FLVCR1: variants seen among roughly 807,000 people sequenced by gnomAD.
The protein encoded by FLVCR1 is choline/ethanolamine transporter FLVCR1.
A neutral mutation model predicts 53.6 loss-of-function variants in FLVCR1; 34 were observed. The observed-to-expected ratio is 0.63, with a 90% CI of 0.48 to 0.84. The LOEUF (loss-of-function observed/expected upper bound fraction) is 0.84. FLVCR1 is among the 40% of genes least tolerant of loss of function. The pLI is 0.00. For missense variants in FLVCR1, 677 were observed against 696.7 expected, an observed-to-expected ratio of 0.97 and a Z score of 0.32; for synonymous variants, 300 against 286.3, an observed-to-expected ratio of 1.05 and a Z score of -0.48.
Position 212,896,919 on chromosome 1 carries a change from T to C in FLVCR1, c.*1629T>C. On this transcript the variant is annotated 3_prime_UTR_variant, in exon 10 of 10. Coordinates refer to ENST00000366971, the MANE Select transcript of FLVCR1 (RefSeq NM_014053.4). ...GGCGCAGTGCTGTGGCTCATGCCTG[T>C]AATCTCAGCACTTTGGGAGGCCAAG... is the stretch of plus-strand genomic sequence containing the variant. 1 of 136,984 alleles carries C rather than the reference T, an allele frequency of 7.3e-6. No homozygotes were observed. Among genetic ancestry groups the C allele is most frequent in the Non-Finnish European group, 1.5e-5 (1 of 65,704 alleles). The allele number at this position is 136,984 out of a possible 1,614,324, so 8.5% of individuals were successfully genotyped here.
chr1:212,862,009 A>G (rs541878275), intron 1 of FLVCR1, among the ~76,000 whole-genome samples: 7 of 152,184 alleles, frequency 4.6e-5, no homozygotes, highest in Non-Finnish European at 8.8e-5. Flanking sequence ...GAAATATTTG[A>G]TAAGTGTGAC....
intron 3 of FLVCR1, among the ~76,000 whole-genome samples, chr1:212,874,275 C>A (rs562827978): frequency 4.6e-5 from 7 of 152,026 alleles, no homozygotes; most frequent in Admixed American, 1.3e-4. Flanking sequence ...TCCGAAAGTG[C>A]GGGATTACAG....
Position 212,858,956 on chromosome 1 carries a change from G to A in FLVCR1, c.504G>A (p.Leu168=). ...TCATCTTCCCGGCCACCTGGCTGCT[G>A]GACACCAGAGGCCTGCGGCTCACCG... The part of the protein sequence containing the change: ...VPLIFPATWL[L]DTRGLRLTAL... Residue 168 remains leucine, a synonymous_variant, in exon 1 of 10, where the codon CTG becomes CTA. Coordinates refer to ENST00000366971, the MANE Select transcript of FLVCR1 (RefSeq NM_014053.4). The A allele has an allele frequency of 1.9e-6, 3 of 1,614,178 alleles. No individual in the cohort carries two copies. Among genetic ancestry groups the A allele is most frequent in the Non-Finnish European group, 2.5e-6 (3 of 1,180,042 alleles).
intron 4 of FLVCR1, among the ~76,000 whole-genome samples, chr1:212,883,931 G>C (rs918169585): frequency 4.0e-5 from 6 of 151,768 alleles, no homozygotes. Flanking sequence ...ATGTGGTCTG[G>C]TCTGTTGGGC....
intron 3 of FLVCR1, among the ~76,000 whole-genome samples, chr1:212,881,347 CTT>C (rs35073414): frequency 8.6e-6 from 1 of 116,432 alleles, no homozygotes; most frequent in African/African-American, 3.5e-5. Flanking sequence ...TGTCGAATTT[CTT>C]TTTTTTTGAG....
intron 5 of FLVCR1, among the ~76,000 whole-genome samples, chr1:212,886,294 C>T (rs578255274): frequency 1.4e-4 from 21 of 152,122 alleles, no homozygotes; most frequent in Admixed American, 4.6e-4. Context: ...CTGCCCACCT[C>T]AGCCTCCCAA....
Position 212,858,645 on chromosome 1 carries a change from G to A in FLVCR1, c.193G>A (p.Gly65Ser), listed in dbSNP as rs1664106992. The A allele has an allele frequency of 2.6e-6, 4 of 1,541,858 alleles. No homozygotes were observed. The highest frequency in any genetic ancestry group is 3.5e-6 in the Non-Finnish European group (4 of 1,145,062). The change falls in exon 1 of 10, where the codon GGC (glycine) becomes AGC (serine). Residue 65 changes from glycine to serine, a missense_variant. Coordinates refer to ENST00000366971, the MANE Select transcript of FLVCR1 (RefSeq NM_014053.4). ...DSLAAASGVLGGPQTPLAPEE... is the reference protein window; with the variant it reads ...DSLAAASGVLSGPQTPLAPEE... ...CCTCGCTGCCGCCTCGGGAGTTCTG[G>A]GCGGGCCTCAGACTCCACTGGCCCC...
chr1:212,883,945 C>G (rs11808574), intron 4 of FLVCR1, among the ~76,000 whole-genome samples: 70,333 of 151,640 alleles, frequency 0.46, 17,532 homozygotes, highest in East Asian at 0.56. Flanking sequence ...GTTGGGCCTA[C>G]TGTGGGAGCT....
At chr1:212,885,836 C>T (rs1472762105) in intron 5 of FLVCR1, among the ~76,000 whole-genome samples, 1 of 151,964 alleles carries the variant, frequency 6.6e-6, no homozygotes, top group African/African-American at 2.4e-5. Context: ...CAGGCGTGAG[C>T]CACCGCGCCC....
At chr1:212,890,367 C>T (rs983449156) in intron 8 of FLVCR1, among the ~76,000 whole-genome samples, 3 of 151,906 alleles carry the variant, frequency 2.0e-5, no homozygotes, top group Non-Finnish European at 4.4e-5. Context: ...TTCCCAGGGG[C>T]GTCCAATCTT....
In FLVCR1 at chr1:212,895,263, GT is replaced by G. The variant is rs766024598; in HGVS notation, c.1642del (p.Ser548ProfsTer18). The G allele has an allele frequency of 1.1e-5, 18 of 1,613,326 alleles. No homozygotes were observed. In the African/African-American group the frequency reaches 2.4e-4, roughly 22 times the overall value. On this transcript the variant is annotated frameshift_variant, in exon 10 of 10. Transcript: ENST00000366971. LOFTEE classifies it high-confidence loss of function. ...TDQEPKTVMLSKQSESAI is the reference protein window; with the variant it reads ...TDQEPKTVMLXKQSESAI The stretch of plus-strand genomic sequence containing the variant: ...ACCAAGAACCAAAAACGGTTATGTT[GT>G]CCAAGCAGTCAGAATCAGCAATTTG...
At chr1:212,878,346 C>T (rs1170663108) in intron 3 of FLVCR1, among the ~76,000 whole-genome samples, 1 of 151,752 alleles carries the variant, frequency 6.6e-6, no homozygotes, top group African/African-American at 2.4e-5. Flanking sequence ...TCTAAAAATA[C>T]AAAAAATGAG....
chr1:212,886,626 G>T lies in FLVCR1; in HGVS notation c.1196+1230G>T, dbSNP rs192183145. ...ACCAGCTTGGGCAACATGGTGAAAC[G>T]CCATCTCTACTGAAAATACAAAAAA... On this transcript the variant is annotated intron_variant, in intron 5 of 9. Transcript: ENST00000366971. Among the ~76,000 whole-genome samples, 16 of 151,860 alleles carry T rather than the reference G, an allele frequency of 1.1e-4. No individual in the cohort carries two copies. In the East Asian group the frequency reaches 2.9e-3, roughly 28 times the overall value.
At chr1:212,867,481 T>G (rs185884654) in intron 2 of FLVCR1, among the ~76,000 whole-genome samples, 40 of 152,338 alleles carry the variant, frequency 2.6e-4, no homozygotes, top group African/African-American at 9.4e-4. Flanking sequence ...TCCAAGGTTA[T>G]AGTAAACACT....
intron 2 of FLVCR1, among the ~76,000 whole-genome samples, chr1:212,870,473 G>A (rs1664563766): frequency 6.6e-6 from 1 of 152,012 alleles, no homozygotes; most frequent in South Asian, 2.1e-4. Flanking sequence ...GCTTCATCCT[G>A]GAGTTTCTGA....
chr1:212,861,799 A>G (rs920420398), intron 1 of FLVCR1, among the ~76,000 whole-genome samples: 12 of 151,804 alleles, frequency 7.9e-5, no homozygotes, highest in Admixed American at 7.2e-4. Flanking sequence ...CCTCCCGTGT[A>G]GCTGGGACTA....
At chr1:212,888,739 C>T in intron 7 of FLVCR1, 145 bp downstream of exon 7, 1 of 682,032 alleles carries the variant, frequency 1.5e-6, no homozygotes, top group Non-Finnish European at 2.6e-6. Flanking sequence ...AGCTGGAGTG[C>T]AGTAGTGCAG....
rs1664193872 is a variant in FLVCR1, at chr1:212,860,376, T to C, written c.738+1186T>C. On this transcript the variant is annotated intron_variant, in intron 1 of 9. Coordinates refer to ENST00000366971, the MANE Select transcript of FLVCR1 (RefSeq NM_014053.4). ...TTTTTTTTTTTTTTTTTTGTAGAAA[T>C]GGGGTTTCTCCATGTTGCTCATGCT... 5.5e-5 allele frequency among the ~76,000 whole-genome samples: 7 copies of C among 126,292 alleles called. 1 individual carries two copies. The South Asian group carries it at 1.8e-3, about 33-fold the overall frequency. The allele number at this position is 126,292 out of a possible 152,430, so 82.9% of individuals were successfully genotyped here. A position where few individuals can be genotyped will look rare whatever the true frequency, so the allele number is the denominator to read the frequency against.
intron 5 of FLVCR1, among the ~76,000 whole-genome samples, chr1:212,886,318 C>T (rs1489304146): frequency 6.6e-6 from 1 of 152,126 alleles, no homozygotes; most frequent in Non-Finnish European, 1.5e-5. Context: ...GCTGGGATTA[C>T]AGGCATGAGC....
Sources: allele counts gnomAD v4.1 joint callset (sites outside exome capture counted in the v4.1 genomes callset), GRCh38; gene constraint gnomAD v4.1.1; transcripts MANE v1.5; gene names NCBI Gene and HGNC (gene_info 2026-07-23, HGNC 2026-07-21).